Variants in STAC3 observed in about 807,000 individuals in gnomAD.
The protein encoded by STAC3 is SH3 and cysteine-rich domain-containing protein 3.
STAC3 carries 30 observed loss-of-function variants against 48.5 expected under a neutral mutation model. The observed-to-expected ratio is 0.62, with a 90% CI of 0.46 to 0.84. The LOEUF (loss-of-function observed/expected upper bound fraction) is 0.84. STAC3 is among the 40% of genes least tolerant of loss of function. The probability of loss-of-function intolerance (pLI) is 0.00; values close to 1 mark genes in which losing one functional copy is unlikely to be tolerated. For synonymous variants in STAC3, 144 were observed against 158.6 expected, an observed-to-expected ratio of 0.91 and a Z score of 0.69; for missense variants, 419 against 462.6, an observed-to-expected ratio of 0.91 and a Z score of 0.86.
rs1035808557 is a variant in STAC3 at position 57,250,981 on chromosome 12, G to C, written c.-2+12C>G. 1 of 320,992 alleles carries C rather than the reference G, an allele frequency of 3.1e-6. No homozygotes were observed. Among genetic ancestry groups the C allele is most frequent in the African/African-American group, 2.2e-5 (1 of 46,180 alleles). The allele number at this position is 320,992 out of a possible 1,614,324, so 19.9% of individuals were successfully genotyped here. ...CAGTCGTGGAAATCAAGAGGATGAA[G>C]AGGTAACTTACGTTCGGGATTCCCT... On this transcript the variant is annotated intron_variant, in intron 1 of 11. Transcript: ENST00000332782.
chr12:57,249,776 G>C (rs968252274), intron 1 of STAC3, 139 bp from the exon 2 acceptor site: 4 of 880,134 alleles, frequency 4.5e-6, no homozygotes, highest in Non-Finnish European at 5.2e-6. Context: ...TTACTGTTGA[G>C]ATGGGGTCTC....
Position 57,245,202 on chromosome 12 carries a change from C to A in STAC3, c.613G>T (p.Ala205Ser). ...GQADKKNPVA[A>S]MMEEEPESAR... The stretch of plus-strand genomic sequence containing the variant: ...GACTCTGGCTCCTCCTCCATCATGG[C>A]TGCTACAGGCTGGAGGGGGCACCAG... Residue 205 changes from alanine (A) to serine (S), a missense_variant, in exon 7 of 12, where the codon GCC (alanine) becomes TCC (serine). Coordinates refer to ENST00000332782, the MANE Select transcript of STAC3 (RefSeq NM_145064.3). 1 of 1,614,116 alleles carries A rather than the reference C, an allele frequency of 6.2e-7. No homozygotes were observed. Among genetic ancestry groups the A allele is most frequent in the Non-Finnish European group, 8.5e-7 (1 of 1,179,992 alleles).
chr12:57,246,157 C>T (rs942252285), intron 6 of STAC3, among the ~76,000 whole-genome samples: 3 of 150,822 alleles, frequency 2.0e-5, no homozygotes, highest in African/African-American at 7.3e-5. Context: ...TTATAATTCC[C>T]TTAAAAGAAT....
Position 57,245,705 on chromosome 12 carries a change from G to A in STAC3, c.604-494C>T, listed in dbSNP as rs187782402. Among the ~76,000 whole-genome samples, 700 of 152,160 alleles carry A rather than the reference G, an allele frequency of 4.6e-3. 4 individuals carry two copies. The highest frequency in any genetic ancestry group is 4.5e-3 in the Admixed American group (69 of 15,286). ...TTTCCCTAAAACATCCTATCAGGTG[G>A]GTCACCCACATTCTGCTTGAATGTA... is the stretch of plus-strand genomic sequence containing the variant. On this transcript the variant is annotated intron_variant, in intron 6 of 11. Transcript: ENST00000332782.
intron 6 of STAC3, among the ~76,000 whole-genome samples, chr12:57,246,402 T>TC (rs1438347423): frequency 6.6e-6 from 1 of 151,458 alleles, no homozygotes; most frequent in East Asian, 1.9e-4. Context: ...TTTTTTTTTT[T>TC]TCTTGACAGG....
intron 9 of STAC3, 62 bp from the exon 10 acceptor site, chr12:57,244,428 G>A: frequency 6.2e-7 from 1 of 1,612,834 alleles, no homozygotes. Flanking sequence ...CCCGGGTCCA[G>A]CATCAATAGG....
intron 1 of STAC3, among the ~76,000 whole-genome samples, chr12:57,250,034 C>T (rs922345306): frequency 1.3e-5 from 2 of 152,190 alleles, no homozygotes; most frequent in African/African-American, 4.8e-5. Context: ...TGAGCCACTG[C>T]ACTGGGCCAA....
At position 57,249,310 on chromosome 12, in the gene STAC3, TGAGG is replaced by T. The variant is rs749254236; in HGVS notation, c.67-6_67-3del. 26 of 1,575,690 alleles carry T rather than the reference TGAGG, an allele frequency of 1.7e-5. No homozygotes were observed. In the Middle Eastern group the frequency reaches 5.1e-4, roughly 31 times the overall value. Reference sequence around the variant, plus strand: ...GAGTAACTGCTTTAGCCGCTGTAGCTGAGGGAGGGAGTGAAGAAAACCCAATGTT... The same window carrying T: ...GAGTAACTGCTTTAGCCGCTGTAGCTGAGGGAGTGAAGAAAACCCAATGTT... On this transcript the variant is annotated splice_polypyrimidine_tract_variant and splice_region_variant and intron_variant, in intron 2 of 11. Coordinates refer to ENST00000332782, the MANE Select transcript of STAC3 (RefSeq NM_145064.3).
Position 57,249,366 on chromosome 12 carries a change from T to C in STAC3, c.67-58A>G, listed in dbSNP as rs2037844919. The stretch of plus-strand genomic sequence containing the variant: ...AAAGGACTTGTCACCCTCTCTAGAG[T>C]AGGGGGGCGCTAGAGCAAACTAGAC... On this transcript the variant is annotated intron_variant, in intron 2 of 11. Coordinates refer to ENST00000332782, the MANE Select transcript of STAC3 (RefSeq NM_145064.3). 9 of 1,528,292 alleles carry C rather than the reference T, an allele frequency of 5.9e-6. No individual in the cohort carries two copies. In the Admixed American group the frequency reaches 1.9e-4, roughly 32 times the overall value. The allele number at this position is 1,528,292 out of a possible 1,614,324, so 94.7% of individuals were successfully genotyped here. A position where few individuals can be genotyped will look rare whatever the true frequency, so the allele number is the denominator to read the frequency against.
At chr12:57,248,513 G>A (rs1262276143) in intron 4 of STAC3, 193 bp downstream of exon 4, 4 of 621,456 alleles carry the variant, frequency 6.4e-6, no homozygotes, top group Non-Finnish European at 1.2e-5. Flanking sequence ...TGAGTAGCTG[G>A]GACTACAGGC....
chr12:57,249,751 G>T, intron 1 of STAC3, 114 bp from the exon 2 acceptor site: 1 of 1,150,600 alleles, frequency 8.7e-7, no homozygotes, highest in Non-Finnish European at 1.3e-6. Flanking sequence ...AATGTGATGA[G>T]AGATTTTGCT....
At chr12:57,248,068 T>C (rs2037795697) in intron 5 of STAC3, 58 bp downstream of exon 5, 2 of 1,477,868 alleles carry the variant, frequency 1.4e-6, no homozygotes, top group Admixed American at 3.3e-5. Flanking sequence ...AAGCTAGAGA[T>C]GGCATGAAAC....
intron 1 of STAC3, among the ~76,000 whole-genome samples, chr12:57,250,258 C>T (rs1015782924): frequency 2.0e-5 from 3 of 151,848 alleles, no homozygotes; most frequent in East Asian, 3.9e-4. Context: ...GGTGTGGTGG[C>T]GGACGCCTGT....
chr12:57,246,106 T>G (rs1382126126), intron 6 of STAC3, among the ~76,000 whole-genome samples: 1 of 83,726 alleles, frequency 1.2e-5, no homozygotes, highest in Admixed American at 1.6e-4. Flanking sequence ...CGAAACTCTA[T>G]CTCAAAAAAA....
rs1409236465 is a variant in STAC3, at chr12:57,249,033, T to C, written c.334+8A>G. The C allele has an allele frequency of 6.3e-7, 1 of 1,581,808 alleles. No homozygotes were observed. Among genetic ancestry groups the C allele is most frequent in the African/African-American group, 1.3e-5 (1 of 74,190 alleles). ...ATCATACTCTCTTCACTTCCCTTCA[T>C]GACTCACGAACAATCATCCGGGCAC... On this transcript the variant is annotated splice_region_variant and intron_variant, in intron 3 of 11. Coordinates refer to ENST00000332782, the MANE Select transcript of STAC3 (RefSeq NM_145064.3).
rs752436793 is a variant in STAC3 at position 57,248,706 on chromosome 12, G to A, written c.432C>T (p.Ile144=). ...TCCTTGCTCTCCACAGCCTACTCAC[G>A]ATCTTGCCGAAGCATCTCTGCATTT... ...YVEMQRCFGK[I]PPGFHRAYSS... is the part of the protein sequence containing the mutation. The change falls in exon 4 of 12, where the codon ATC becomes ATT. Residue 144 remains isoleucine, a splice_region_variant and synonymous_variant. Transcript: ENST00000332782. The A allele has an allele frequency of 8.1e-6, 13 of 1,613,098 alleles. No homozygotes were observed. Among genetic ancestry groups the A allele is most frequent in the Middle Eastern group, 1.6e-4 (1 of 6,084 alleles).
intron 5 of STAC3, 107 bp downstream of exon 5, chr12:57,248,019 T>A: frequency 2.0e-6 from 2 of 1,013,302 alleles, no homozygotes; most frequent in Non-Finnish European, 3.1e-6. Flanking sequence ...GGGAGAATTA[T>A]GGGAAACAGA....
At chr12:57,246,436 G>C (rs1371216773) in intron 6 of STAC3, among the ~76,000 whole-genome samples, 1 of 149,658 alleles carries the variant, frequency 6.7e-6, no homozygotes. Flanking sequence ...CCCCAGGCTG[G>C]AGTGCAGTGG....
intron 6 of STAC3, among the ~76,000 whole-genome samples, chr12:57,246,057 C>T (rs1253674138): frequency 4.9e-5 from 7 of 143,748 alleles, no homozygotes; most frequent in South Asian, 4.4e-4. Flanking sequence ...TGCGGTGAGC[C>T]GAGATCGTGC....
Sources: allele counts gnomAD v4.1 joint callset (sites outside exome capture counted in the v4.1 genomes callset), GRCh38; gene constraint gnomAD v4.1.1; transcripts MANE v1.5; gene names NCBI Gene and HGNC (gene_info 2026-07-23, HGNC 2026-07-21).